The following TLL2 variants were observed in gnomAD, a reference collection of about 807,000 sequenced individuals.
The protein encoded by TLL2 is tolloid like 2.
In TLL2, 106 loss-of-function variants were observed where a neutral mutation model predicts 123.0. That is an observed-to-expected ratio of 0.86 (90% CI 0.74 to 1.01). The LOEUF is 1.01. Ranked by LOEUF, TLL2 falls within the 50% of genes least tolerant of loss-of-function variation. The probability of loss-of-function intolerance (pLI) is 0.00; values close to 1 mark genes in which losing one functional copy is unlikely to be tolerated. For synonymous variants in TLL2, 494 were observed against 516.8 expected (o/e 0.96, Z 0.60); for missense variants, 1,332 against 1,336.7 (o/e 1.00, Z 0.06).
chr10:96,491,639 T>A (rs1009252655), intron 1 of TLL2, among the ~76,000 whole-genome samples: 22 of 152,186 alleles, frequency 1.4e-4, no homozygotes, highest in African/African-American at 5.3e-4. Context: ...TTTAAAGCTG[T>A]TATGTAATAA....
intron 2 of TLL2, among the ~76,000 whole-genome samples, chr10:96,455,834 T>C (rs1210944910): frequency 1.3e-5 from 2 of 152,258 alleles, no homozygotes; most frequent in Non-Finnish European, 2.9e-5. Context: ...TTTCACTTTA[T>C]GGATTCACCT....
At chr10:96,370,791 C>T (rs551210938) in intron 19 of TLL2, among the ~76,000 whole-genome samples, 25 of 152,300 alleles carry the variant, frequency 1.6e-4, no homozygotes, top group African/African-American at 5.5e-4. Context: ...CGCGGGTAAG[C>T]TCTCAACCCT....
intron 2 of TLL2, among the ~76,000 whole-genome samples, chr10:96,468,513 A>G (rs1485490470): frequency 6.6e-6 from 1 of 152,178 alleles, no homozygotes; most frequent in Non-Finnish European, 1.5e-5. Context: ...CTCTGTTCTT[A>G]TAGGGCCACG....
At chr10:96,461,579 G>C (rs1466001157) in intron 2 of TLL2, among the ~76,000 whole-genome samples, 2 of 152,184 alleles carry the variant, frequency 1.3e-5, no homozygotes, top group African/African-American at 4.8e-5. Flanking sequence ...GTGCTGCTCA[G>C]TTCTCACTGC....
At chr10:96,447,695 G>A (rs973453458) in intron 2 of TLL2, among the ~76,000 whole-genome samples, 1 of 152,144 alleles carries the variant, frequency 6.6e-6, no homozygotes, top group Non-Finnish European at 1.5e-5. Flanking sequence ...GCAACCAAAG[G>A]ACAATCTATT....
At position 96,373,789 on chromosome 10, in the gene TLL2, G is replaced by A. The variant is rs201257996; in HGVS notation, c.2469C>T (p.Ile823=). ...CATAGGCACATTCCTGGTGCTGCTC[G>A]ATCTCAAACTCATTAAAGGTCTGGG... The part of the protein sequence containing the change: ...RVKLTFNEFE[I]EQHQECAYDH... Residue 823 remains isoleucine, a synonymous_variant, in exon 19 of 21, where the codon ATC becomes ATT. Transcript: ENST00000357947. 7.6e-5 allele frequency: 123 copies of A among 1,613,924 alleles called. No homozygotes were observed. The highest frequency in any genetic ancestry group is 2.7e-4 in the Admixed American group (16 of 60,032).
chr10:96,393,958 G>A (rs1846313797), intron 13 of TLL2, among the ~76,000 whole-genome samples: 1 of 152,132 alleles, frequency 6.6e-6, no homozygotes, highest in Non-Finnish European at 1.5e-5. Flanking sequence ...TAGGTACAAT[G>A]GGCAGATGTC....
intron 10 of TLL2, among the ~76,000 whole-genome samples, chr10:96,403,311 A>C (rs929577387): frequency 3.9e-5 from 6 of 152,198 alleles, no homozygotes; most frequent in Non-Finnish European, 7.3e-5. Flanking sequence ...GTGTCTATGT[A>C]GAAAGGGAAG....
At chr10:96,373,870 C>G in intron 18 of TLL2, 61 bp from the exon 19 acceptor site, 1 of 1,508,178 alleles carries the variant, frequency 6.6e-7, no homozygotes, top group Non-Finnish European at 9.1e-7. Flanking sequence ...GTGGGGGCCT[C>G]CTTTCCAGTT....
At chr10:96,415,729 G>GTCTCTCTCTCTGTCTCTCTCTCTCTGTC (rs149968045) in intron 7 of TLL2, among the ~76,000 whole-genome samples, 2 of 8,580 alleles carry the variant, frequency 2.3e-4, no homozygotes, top group Non-Finnish European at 4.4e-4. Flanking sequence ...CTCTCTCTCT[G>GTCTCTCTCTCTGTCTCTCTCTCTCTGTC]TCTCTCTCTG....
intron 10 of TLL2, among the ~76,000 whole-genome samples, chr10:96,403,708 G>A (rs1235465298): frequency 6.6e-6 from 1 of 152,112 alleles, no homozygotes. Flanking sequence ...GTGCTGAGGT[G>A]GATTAGTAAA....
At chr10:96,441,804 C>T (rs1411933711) in intron 3 of TLL2, among the ~76,000 whole-genome samples, 3 of 152,134 alleles carry the variant, frequency 2.0e-5, no homozygotes, top group African/African-American at 4.8e-5. Flanking sequence ...GCCTGAAGTT[C>T]GTGGGGCTCA....
At chr10:96,391,833 A>C (rs374755829) in intron 13 of TLL2, among the ~76,000 whole-genome samples, 1 of 152,194 alleles carries the variant, frequency 6.6e-6, no homozygotes, top group East Asian at 1.9e-4. Context: ...AGTTGTTTTA[A>C]CCATAAAAAA....
chr10:96,464,277 G>A (rs945759274), intron 2 of TLL2, among the ~76,000 whole-genome samples: 1 of 152,032 alleles, frequency 6.6e-6, no homozygotes, highest in African/African-American at 2.4e-5. Flanking sequence ...CCAGCTACTT[G>A]GGAAGCTGGG....
At chr10:96,466,560 T>C (rs1847133686) in intron 2 of TLL2, among the ~76,000 whole-genome samples, 1 of 152,174 alleles carries the variant, frequency 6.6e-6, no homozygotes, top group Non-Finnish European at 1.5e-5. Flanking sequence ...GGGTGCTCAG[T>C]TTCACACCCT....
At chr10:96,383,977 A>G (rs762013454) in intron 16 of TLL2, among the ~76,000 whole-genome samples, 13 of 152,152 alleles carry the variant, frequency 8.5e-5, no homozygotes, top group Non-Finnish European at 1.2e-4. Flanking sequence ...GTATGTTGTG[A>G]AAACAGACTA....
chr10:96,450,844 CA>C (rs913266082), intron 2 of TLL2, among the ~76,000 whole-genome samples: 7 of 149,494 alleles, frequency 4.7e-5, no homozygotes, highest in African/African-American at 1.5e-4. Context: ...GATTGCAAGA[CA>C]AAAAAAAAGT....
intron 11 of TLL2, 65 bp downstream of exon 11, chr10:96,397,120 TG>T: frequency 7.0e-7 from 1 of 1,432,766 alleles, no homozygotes; most frequent in Non-Finnish European, 9.6e-7. Flanking sequence ...AGAGGGACAG[TG>T]GGCTGCCTGG....
intron 6 of TLL2, among the ~76,000 whole-genome samples, chr10:96,422,207 TC>T (rs1384077937): frequency 6.6e-6 from 1 of 150,602 alleles, no homozygotes; most frequent in Non-Finnish European, 1.5e-5. Flanking sequence ...CCAGGAGAAC[TC>T]TTTTTTTTTT....
Sources: allele counts gnomAD v4.1 joint callset (sites outside exome capture counted in the v4.1 genomes callset), GRCh38; gene constraint gnomAD v4.1.1; transcripts MANE v1.5; gene names NCBI Gene and HGNC (gene_info 2026-07-23, HGNC 2026-07-21).